SPATA7: variants seen among roughly 807,000 people sequenced by gnomAD.
The protein encoded by SPATA7 is spermatogenesis-associated protein 7.
SPATA7 carries 43 observed loss-of-function variants against 51.8 expected under a neutral mutation model. The observed-to-expected ratio is 0.83, with a 90% CI of 0.65 to 1.07. The LOEUF (loss-of-function observed/expected upper bound fraction) is 1.07. Among genes scored for constraint, SPATA7 ranks in the 50% least tolerant of loss-of-function variants. SPATA7 has a pLI of 0.00. For synonymous variants in SPATA7, 230 were observed against 252.8 expected (o/e 0.91, Z 0.86); for missense variants, 683 against 701.3 (o/e 0.97, Z 0.30).
At chr14:88,388,756 A>T (rs1324369642) in intron 1 of SPATA7, among the ~76,000 whole-genome samples, 3 of 152,156 alleles carry the variant, frequency 2.0e-5, no homozygotes, top group Non-Finnish European at 4.4e-5. Flanking sequence ...TGAATTAATT[A>T]AAAAGATAAG....
At chr14:88,444,377 G>A (rs981763036) in intron 3 of SPATA7, among the ~76,000 whole-genome samples, 1 of 151,994 alleles carries the variant, frequency 6.6e-6, no homozygotes, top group Non-Finnish European at 1.5e-5. Flanking sequence ...GTAGATTCTG[G>A]ATATTAGCCC....
chr14:88,445,279 C>T (rs1187531379), intron 3 of SPATA7, among the ~76,000 whole-genome samples: 4 of 149,266 alleles, frequency 2.7e-5, no homozygotes, highest in Non-Finnish European at 4.5e-5. Context: ...TGATTTGGCT[C>T]TCTGTTTGTC....
At chr14:88,459,219 C>T (rs193003482), downstream of SPATA7, among the ~76,000 whole-genome samples, 129 of 152,304 alleles carry the variant, frequency 8.5e-4, 1 homozygote, top group African/African-American at 2.5e-3. Flanking sequence ...GTGGAGAGTT[C>T]TGTAGATGTC....
intron 4 of SPATA7, among the ~76,000 whole-genome samples, chr14:88,462,889 G>A (rs902674942): frequency 1.3e-5 from 2 of 152,096 alleles, no homozygotes; most frequent in East Asian, 3.9e-4. Flanking sequence ...TCATCCGTTT[G>A]TCCCTATTTA....
chr14:88,443,594 C>A (rs559455858), intron 3 of SPATA7, among the ~76,000 whole-genome samples: 1 of 152,210 alleles, frequency 6.6e-6, no homozygotes, highest in South Asian at 2.1e-4. Context: ...AACTGGTCAT[C>A]TAGCATTAGG....
intron 1 of SPATA7, among the ~76,000 whole-genome samples, chr14:88,386,881 C>CT (rs772585300): frequency 3.3e-5 from 5 of 152,178 alleles, no homozygotes; most frequent in Non-Finnish European, 7.3e-5. Flanking sequence ...TAGGAGATAA[C>CT]TATTCATTGA....
intron 4 of SPATA7, among the ~76,000 whole-genome samples, chr14:88,404,624 T>A (rs1308929672): frequency 2.6e-5 from 4 of 151,914 alleles, no homozygotes; most frequent in African/African-American, 9.7e-5. Context: ...GGCTGAGACA[T>A]GAGAATCACT....
At chr14:88,420,940 C>T (rs2076624204) in intron 5 of SPATA7, among the ~76,000 whole-genome samples, 1 of 151,884 alleles carries the variant, frequency 6.6e-6, no homozygotes, top group Non-Finnish European at 1.5e-5. Context: ...ATGGTGAAAC[C>T]TCGTCTCTAC....
At chr14:88,392,879 G>GTTTTTTTTTTTTTTTTTTTTTTTTTTT in intron 2 of SPATA7, among the ~76,000 whole-genome samples, 1 of 152,104 alleles carries the variant, frequency 6.6e-6, no homozygotes, top group African/African-American at 2.4e-5. Flanking sequence ...GATTACACTT[G>GTTTTTTTTTTTTTTTTTTTTTTTTTTT]TTATAAGATA....
At position 88,387,206 on chromosome 14, in the gene SPATA7, CA is replaced by C. The variant is rs374200561; in HGVS notation, c.19+1370del. On this transcript the variant is annotated intron_variant, in intron 1 of 11. Coordinates refer to ENST00000393545, the MANE Select transcript of SPATA7 (RefSeq NM_018418.5). ...CTTACTATCCCATGGTAGGGATGGG[CA>C]GGGGGAAAGGATAAATGTAACATTT... 2.3e-4 allele frequency among the ~76,000 whole-genome samples: 35 copies of C among 152,102 alleles called. No individual in the cohort carries two copies. In the South Asian group the frequency reaches 6.2e-3, roughly 27 times the overall value.
At chr14:88,455,375 G>A (rs2077277639), downstream of SPATA7, 1 of 192,162 alleles carries the variant, frequency 5.2e-6, no homozygotes, top group Non-Finnish European at 1.1e-5. Context: ...TAATCCAGTG[G>A]GGAAATAGGA....
At chr14:88,454,595 GA>G (rs1411067220) in intron 3 of SPATA7, among the ~76,000 whole-genome samples, 1 of 152,040 alleles carries the variant, frequency 6.6e-6, no homozygotes, top group East Asian at 1.9e-4. Context: ...TTGAGCTCAA[GA>G]GTTCAAGACC....
chr14:88,426,424 G>C lies in SPATA7; in HGVS notation c.565G>C (p.Gly189Arg), dbSNP rs905542502. Residue 189 changes from glycine to arginine, a missense_variant, in exon 6 of 12, where the codon GGG becomes CGG. Physicochemically the swap from Gly to Arg is moderately radical, Grantham distance 125. Coordinates refer to ENST00000393545, the MANE Select transcript of SPATA7 (RefSeq NM_018418.5). ...GTCCAGTGTGGATTATGCAGCCTCC[G>C]GGCCCCGGAAACTGAGCTCTGGAGC... ...SPSSVDYAAS[G>R]PRKLSSGALY... 1 of 1,614,116 alleles carries C rather than the reference G, an allele frequency of 6.2e-7. No homozygotes were observed. Among genetic ancestry groups the C allele is most frequent in the Non-Finnish European group, 8.5e-7 (1 of 1,180,024 alleles).
rs543595449 is a variant in SPATA7, at chr14:88,395,893, G to A, written c.191-263G>A. Among the ~76,000 whole-genome samples, 35 of 151,948 alleles carry A rather than the reference G, an allele frequency of 2.3e-4. No homozygotes were observed. In the South Asian group the frequency reaches 7.1e-3, roughly 31 times the overall value. On this transcript the variant is annotated intron_variant, in intron 3 of 11. Coordinates refer to ENST00000393545, the MANE Select transcript of SPATA7 (RefSeq NM_018418.5). ...CTTTTTTTTCCCCAAGCTTGTTTTG[G>A]GACTACATTATAAGTATGTTAAGTC...
At chr14:88,464,639 A>C (rs753263333) in intron 4 of SPATA7, among the ~76,000 whole-genome samples, 3 of 152,112 alleles carry the variant, frequency 2.0e-5, no homozygotes, top group Non-Finnish European at 2.9e-5. Context: ...CCAAGGCAGG[A>C]GAATTGCTTG....
chr14:88,401,390 TG>T (rs562762431), intron 4 of SPATA7, among the ~76,000 whole-genome samples: 11 of 152,344 alleles, frequency 7.2e-5, no homozygotes, highest in Non-Finnish European at 1.2e-4. Context: ...ACAGGTAACA[TG>T]ATGCTTAATG....
intron 4 of SPATA7, 25 bp downstream of exon 4, chr14:88,396,228 C>G: frequency 6.4e-7 from 1 of 1,571,356 alleles, no homozygotes; most frequent in Non-Finnish European, 8.7e-7. Flanking sequence ...GACATTATTA[C>G]CTTTTTAAAA....
chr14:88,417,541 A>C (rs553343648), intron 5 of SPATA7, among the ~76,000 whole-genome samples: 1 of 152,120 alleles, frequency 6.6e-6, no homozygotes, highest in East Asian at 1.9e-4. Flanking sequence ...CCTGACCTCA[A>C]GTGATCTGCC....
chr14:88,451,829 A>T (rs891872829), intron 3 of SPATA7, among the ~76,000 whole-genome samples: 15 of 152,130 alleles, frequency 9.9e-5, no homozygotes, highest in African/African-American at 3.6e-4. Context: ...CTGGCCCTAT[A>T]TCATTTTTTT....
Sources: allele counts gnomAD v4.1 joint callset (sites outside exome capture counted in the v4.1 genomes callset), GRCh38; gene constraint gnomAD v4.1.1; transcripts MANE v1.5; gene names NCBI Gene and HGNC (gene_info 2026-07-23, HGNC 2026-07-21).